AP3M1: variants seen among roughly 807,000 people sequenced by gnomAD.
AP3M1 encodes adaptor related protein complex 3 subunit mu 1.
In AP3M1, 29 loss-of-function variants were observed where a neutral mutation model predicts 42.6. That is an observed-to-expected ratio of 0.68 (90% CI 0.51 to 0.93). The LOEUF is 0.93. Ranked by LOEUF, AP3M1 falls within the 40% of genes least tolerant of loss-of-function variation. The probability of loss-of-function intolerance (pLI) is 0.00; values close to 1 mark genes in which losing one functional copy is unlikely to be tolerated. For missense variants in AP3M1, 416 were observed against 510.2 expected, an observed-to-expected ratio of 0.82 and a Z score of 1.78; for synonymous variants, 178 against 175.3, an observed-to-expected ratio of 1.02 and a Z score of -0.12.
intron 1 of AP3M1, among the ~76,000 whole-genome samples, chr10:74,145,634 C>T (rs1243874023): frequency 3.3e-5 from 5 of 152,168 alleles, no homozygotes; most frequent in Non-Finnish European, 5.9e-5. Context: ...ATTATTACCA[C>T]AACCATCTTT....
At chr10:74,147,689 C>G (rs1471091687) in intron 1 of AP3M1, among the ~76,000 whole-genome samples, 1 of 152,152 alleles carries the variant, frequency 6.6e-6, no homozygotes, top group Non-Finnish European at 1.5e-5. Flanking sequence ...ACAGAGGACA[C>G]TGGTGATCTT....
intron 7 of AP3M1, among the ~76,000 whole-genome samples, chr10:74,124,808 C>T (rs1460362125): frequency 6.6e-6 from 1 of 152,108 alleles, no homozygotes; most frequent in Non-Finnish European, 1.5e-5. Context: ...TAGCTTTTGT[C>T]TTCTATTTAC....
chr10:74,128,798 C>A (rs1353949942), intron 6 of AP3M1: 10 of 218,728 alleles, frequency 4.6e-5, no homozygotes, highest in Non-Finnish European at 7.2e-5. Flanking sequence ...AGAACCAGTG[C>A]CATAATTTGA....
intron 1 of AP3M1, among the ~76,000 whole-genome samples, chr10:74,142,433 G>T (rs1000643619): frequency 1.3e-5 from 2 of 152,186 alleles, no homozygotes; most frequent in Non-Finnish European, 2.9e-5. Flanking sequence ...GACATTTAAA[G>T]AATATGTGGT....
rs947983227 is a variant in AP3M1, at chr10:74,126,166, T to C, written c.993A>G (p.Thr331=). The change falls in exon 7 of 9, where the codon ACA becomes ACG. Residue 331 remains threonine (T), a synonymous_variant. Coordinates refer to ENST00000355264, the MANE Select transcript of AP3M1 (RefSeq NM_012095.6). The part of the protein sequence containing the change: ...MNLTPTQGSY[T]FDPVTKVLTW... The stretch of plus-strand genomic sequence containing the variant: ...GCTGTACCTTGGTGACTGGATCAAA[T>C]GTATAGCTGCCTTGTGTGGGTGTCA... 2 of 1,614,246 alleles carry C rather than the reference T, an allele frequency of 1.2e-6. No homozygotes were observed.
chr10:74,125,755 G>T lies in AP3M1; in HGVS notation c.1011+393C>A, dbSNP rs111800613. Among the ~76,000 whole-genome samples, 689 of 152,286 alleles carry T rather than the reference G, an allele frequency of 4.5e-3. 2 individuals carry two copies. Among genetic ancestry groups the T allele is most frequent in the African/African-American group, 0.016 (650 of 41,554 alleles). On this transcript the variant is annotated intron_variant, in intron 7 of 8. Transcript: ENST00000355264. ...ATAATGCTTTTAAATTATAAAGGAA[G>T]AAAAAGGTCTTAGTGATCAATTTAT...
chr10:74,135,067 C>T (rs1840901185), intron 3 of AP3M1, among the ~76,000 whole-genome samples: 1 of 152,120 alleles, frequency 6.6e-6, no homozygotes, highest in African/African-American at 2.4e-5. Flanking sequence ...ATTTTGCAGT[C>T]TACTTATGAT....
At chr10:74,129,560 T>C (rs924886062) in intron 5 of AP3M1, among the ~76,000 whole-genome samples, 2 of 152,224 alleles carry the variant, frequency 1.3e-5, no homozygotes, top group African/African-American at 4.8e-5. Flanking sequence ...CTCTTAATTG[T>C]TCCTAGCAGT....
rs1427494340 is a variant in AP3M1 at position 74,128,111 on chromosome 10, AAAAAAAAAAAAAAGGAAAAG to A, written c.803+977_803+996del. Among the ~76,000 whole-genome samples, 6 of 144,434 alleles carry A rather than the reference AAAAAAAAAAAAAAGGAAAAG, an allele frequency of 4.2e-5. No individual in the cohort carries two copies. In the East Asian group the frequency reaches 1.2e-3, roughly 28 times the overall value. The allele number at this position is 144,434 out of a possible 152,430, so 94.8% of individuals were successfully genotyped here. On this transcript the variant is annotated intron_variant, in intron 6 of 8. Transcript: ENST00000355264. ...GCCAAACTCCGGCTTAAAAAAAAAA[AAAAAAAAAAAAAAGGAAAAG>A]AAAAGAGCCGAGAAATAATTTCTCT...
chr10:74,128,840 C>CA (rs1840693326), intron 6 of AP3M1: 1 of 322,746 alleles, frequency 3.1e-6, no homozygotes, highest in African/African-American at 2.1e-5. Flanking sequence ...ACCGGTACCA[C>CA]AATTTTTGCC....
chr10:74,147,283 TCAA>T (rs71482569), intron 1 of AP3M1, among the ~76,000 whole-genome samples: 77,020 of 151,464 alleles, frequency 0.51, 20,434 homozygotes, highest in Middle Eastern at 0.59. Flanking sequence ...AGACTCCATC[TCAA>T]CAACAACAAA....
At chr10:74,144,812 G>A (rs1404635831) in intron 1 of AP3M1, among the ~76,000 whole-genome samples, 2 of 151,790 alleles carry the variant, frequency 1.3e-5, no homozygotes, top group Admixed American at 6.6e-5. Context: ...ACAGGCATGC[G>A]CCACCATGCC....
Position 74,121,269 on chromosome 10 carries a change from CA to C in AP3M1, c.*2540del, listed in dbSNP as rs1428061483. The C allele has an allele frequency of 6.6e-6, 1 of 152,164 alleles. No homozygotes were observed. The highest frequency in any genetic ancestry group is 1.5e-5 in the Non-Finnish European group (1 of 68,038). 9.4% of individuals were successfully genotyped at this position (152,164 alleles called of 1,614,324 possible). A position where few individuals can be genotyped will look rare whatever the true frequency, so the allele number is the denominator to read the frequency against. On this transcript the variant is annotated 3_prime_UTR_variant, in exon 9 of 9. Transcript: ENST00000355264. Reference sequence around the variant, plus strand: ...TTCTCAAATCAGTTGCCTCTCAGGACAAGATCAGCATTTTCCTAGGGTCCTT... The same window carrying C: ...TTCTCAAATCAGTTGCCTCTCAGGACAGATCAGCATTTTCCTAGGGTCCTT...
At position 74,134,034 on chromosome 10, in the gene AP3M1, A is replaced by C. The variant is rs1342686384; in HGVS notation, c.576T>G (p.Asp192Glu). 1 of 1,614,008 alleles carries C rather than the reference A, an allele frequency of 6.2e-7. No individual in the cohort carries two copies. Among genetic ancestry groups the C allele is most frequent in the Admixed American group, 1.7e-5 (1 of 59,992 alleles). The change falls in exon 4 of 9, where the codon GAT (aspartate) becomes GAG (glutamate). Residue 192 changes from aspartate to glutamate, a missense_variant. Coordinates refer to ENST00000355264, the MANE Select transcript of AP3M1 (RefSeq NM_012095.6). ...TGACATGCACACAATTACCTGATTT[A>C]TCTATAATTGCGTCTATTTCTTCAA... ...DVVEEIDAII[D>E]KSGSTVFAEI...
chr10:74,136,255 A>G (rs574472855), intron 3 of AP3M1, among the ~76,000 whole-genome samples: 2 of 152,206 alleles, frequency 1.3e-5, no homozygotes, highest in Non-Finnish European at 2.9e-5. Flanking sequence ...CATACCAGTT[A>G]TGTAATGCTA....
At chr10:74,137,383 T>C (rs538415181) in intron 2 of AP3M1, among the ~76,000 whole-genome samples, 2 of 152,366 alleles carry the variant, frequency 1.3e-5, no homozygotes, top group African/African-American at 4.8e-5. Context: ...ATTGAAACAT[T>C]AAATTGGAAT....
intron 6 of AP3M1, among the ~76,000 whole-genome samples, chr10:74,128,127 AAAAG>A (rs1289475641): frequency 0.079 from 10,746 of 136,002 alleles, 723 homozygotes; most frequent in African/African-American, 0.12. Context: ...AAAAAAAAGG[AAAAG>A]AAAAGAGCCG....
chr10:74,138,933 TAAAAAAAAAAAAAA>T (rs749165720), intron 1 of AP3M1: 4 of 51,668 alleles, frequency 7.7e-5, no homozygotes, highest in Non-Finnish European at 7.2e-5. Context: ...AGACACTATC[TAAAAAAAAAAAAAA>T]AAAAAAAAAA....
chr10:74,121,754 AAAATC>A lies in AP3M1; in HGVS notation c.*2051_*2055del, dbSNP rs929130433. The A allele has an allele frequency of 3.9e-5, 6 of 152,266 alleles. No individual in the cohort carries two copies. Among genetic ancestry groups the A allele is most frequent in the Non-Finnish European group, 5.9e-5 (4 of 68,044 alleles). The allele number at this position is 152,266 out of a possible 1,614,324, so 9.4% of individuals were successfully genotyped here. ...TGTTCAATCAATAGTAGACCTAAAA[AAAATC>A]AACTTGTTGCTTTCATCTTTTTATT... On this transcript the variant is annotated 3_prime_UTR_variant, in exon 9 of 9. Transcript: ENST00000355264.
Sources: gnomAD v4.1 joint callset for allele counts (sites outside exome capture counted in the v4.1 genomes callset) on GRCh38, gnomAD v4.1.1 for gene constraint, MANE v1.5 for transcripts, NCBI Gene and HGNC (gene_info 2026-07-23, HGNC 2026-07-21) for gene names.